Variants in SBF2 observed in about 807,000 individuals in gnomAD.
The protein encoded by SBF2 is SET binding factor 2, also known as myotubularin-related protein 13.
SBF2 carries 112 observed loss-of-function variants against 225.2 expected under a neutral mutation model. The observed-to-expected ratio is 0.50, with a 90% confidence interval of 0.43 to 0.58. The LOEUF (loss-of-function observed/expected upper bound fraction) is 0.58. SBF2 is among the 20% of genes least tolerant of loss of function. The probability of loss-of-function intolerance (pLI) is 0.00; values close to 1 mark genes in which losing one functional copy is unlikely to be tolerated. For synonymous variants in SBF2, 763 were observed against 773.3 expected (o/e 0.99, Z 0.22); for missense variants, 1,996 against 2,206.2 (o/e 0.90, Z 1.91).
At chr11:9,793,379 G>T (rs115519131) in intron 33 of SBF2, among the ~76,000 whole-genome samples, 1 of 151,754 alleles carries the variant, frequency 6.6e-6, no homozygotes, top group Admixed American at 6.6e-5. Context: ...GCTCACCTGG[G>T]GAGTTTTTAT....
chr11:9,957,923 A>C (rs1169077895), intron 16 of SBF2: 1 of 151,772 alleles, frequency 6.6e-6, no homozygotes, highest in African/African-American at 2.4e-5. Context: ...CTAGTCCCAC[A>C]CAAGCAGGAG....
At chr11:10,266,746 T>A (rs539601297) in intron 1 of SBF2, among the ~76,000 whole-genome samples, 1 of 152,300 alleles carries the variant, frequency 6.6e-6, no homozygotes, top group South Asian at 2.1e-4. Context: ...TGGACCACAT[T>A]TCCCAGGATA....
rs1205539194 is a variant in SBF2 at position 10,273,078 on chromosome 11, A to AAAAT, written c.55+20933_55+20936dup. Among the ~76,000 whole-genome samples, 218 of 85,508 alleles carry AAAAT rather than the reference A, an allele frequency of 2.5e-3. 1 individual carries two copies. Among genetic ancestry groups the AAAAT allele is most frequent in the African/African-American group, 7.0e-3 (203 of 29,000 alleles). The allele number at this position is 85,508 out of a possible 152,430, so 56.1% of individuals were successfully genotyped here. On this transcript the variant is annotated intron_variant, in intron 1 of 39. Transcript: ENST00000256190. ...GAGTGAGACTCCGTCTCCGAAAAAA[A>AAAAT]AAATAAATAAATAAATAAATAAATG...
At chr11:9,894,282 G>A (rs1861065675) in intron 17 of SBF2, among the ~76,000 whole-genome samples, 1 of 152,208 alleles carries the variant, frequency 6.6e-6, no homozygotes, top group African/African-American at 2.4e-5. Flanking sequence ...ACTTTGGGAG[G>A]CCAAGGCAGG....
intron 2 of SBF2, among the ~76,000 whole-genome samples, chr11:10,157,034 T>C: frequency 6.6e-6 from 1 of 152,142 alleles, no homozygotes; most frequent in African/African-American, 2.4e-5. Flanking sequence ...GGGGCTACAG[T>C]AACCAAAACA....
intron 2 of SBF2, among the ~76,000 whole-genome samples, chr11:10,057,761 T>C (rs1330168164): frequency 6.6e-6 from 1 of 152,084 alleles, no homozygotes; most frequent in African/African-American, 2.4e-5. Flanking sequence ...GCCCATACTT[T>C]CAAAGCACTG....
intron 2 of SBF2, among the ~76,000 whole-genome samples, chr11:10,179,076 C>T (rs1377413179): frequency 6.7e-6 from 1 of 149,130 alleles, no homozygotes; most frequent in Non-Finnish European, 1.5e-5. Context: ...TCATCATTCT[C>T]AGTAAACTAT....
chr11:10,066,753 G>A (rs1950638731), intron 2 of SBF2, among the ~76,000 whole-genome samples: 1 of 152,086 alleles, frequency 6.6e-6, no homozygotes, highest in South Asian at 2.1e-4. Context: ...TCAACTTTGT[G>A]CTCCAGGTTC....
chr11:9,924,566 G>A (rs1289074748), intron 16 of SBF2, among the ~76,000 whole-genome samples: 3 of 151,908 alleles, frequency 2.0e-5, no homozygotes, highest in Admixed American at 6.6e-5. Context: ...CGAGTAGCTG[G>A]GATTACAGGC....
intron 16 of SBF2, among the ~76,000 whole-genome samples, chr11:9,912,434 A>C (rs1447619987): frequency 6.6e-6 from 1 of 150,882 alleles, no homozygotes; most frequent in African/African-American, 2.4e-5. Context: ...AAAATACAAA[A>C]ATTAGCTGGG....
chr11:10,078,256 T>G (rs905256000), intron 2 of SBF2, among the ~76,000 whole-genome samples: 4 of 152,246 alleles, frequency 2.6e-5, no homozygotes, highest in Admixed American at 6.5e-5. Context: ...TAATACCATT[T>G]GATCCAGTGA....
intron 13 of SBF2, among the ~76,000 whole-genome samples, chr11:9,983,202 TTGCCCTC>T (rs1947034092): frequency 6.6e-6 from 1 of 152,188 alleles, no homozygotes; most frequent in Non-Finnish European, 1.5e-5. Context: ...GCAGCCCGTC[TTGCCCTC>T]TGCCTGGAAA....
At chr11:10,182,479 A>T (rs1187918116) in intron 2 of SBF2, among the ~76,000 whole-genome samples, 1 of 152,214 alleles carries the variant, frequency 6.6e-6, no homozygotes, top group African/African-American at 2.4e-5. Flanking sequence ...TGATTTTAAT[A>T]TCTCAAGTTG....
At chr11:9,782,708 TA>T (rs1171349190) in intron 38 of SBF2, among the ~76,000 whole-genome samples, 1 of 151,748 alleles carries the variant, frequency 6.6e-6, no homozygotes, top group Non-Finnish European at 1.5e-5. Context: ...CCGTCTCTAC[TA>T]AAAATACAAA....
chr11:10,143,970 C>T (rs1005321534), intron 2 of SBF2, among the ~76,000 whole-genome samples: 16 of 152,236 alleles, frequency 1.1e-4, no homozygotes, highest in African/African-American at 2.6e-4. Flanking sequence ...CCGCCCGTCT[C>T]GGCCTCCCAA....
intron 16 of SBF2, chr11:9,957,891 G>C (rs1408712955): frequency 2.6e-5 from 4 of 151,898 alleles, no homozygotes; most frequent in Admixed American, 1.3e-4. Context: ...GTTCAGAGGA[G>C]AGCATTTCAC....
At chr11:10,179,872 T>C (rs939411687) in intron 2 of SBF2, among the ~76,000 whole-genome samples, 1 of 152,174 alleles carries the variant, frequency 6.6e-6, no homozygotes, top group Non-Finnish European at 1.5e-5. Flanking sequence ...TGTGTGTATT[T>C]GTTGTATGTT....
intron 2 of SBF2, among the ~76,000 whole-genome samples, chr11:10,060,152 G>A (rs1199248612): frequency 1.3e-5 from 2 of 152,142 alleles, no homozygotes; most frequent in African/African-American, 4.8e-5. Context: ...ACGAAGAAAA[G>A]AGAGAAAACC....
intron 1 of SBF2, among the ~76,000 whole-genome samples, chr11:10,235,360 C>A (rs1403181869): frequency 2.0e-5 from 3 of 152,228 alleles, no homozygotes; most frequent in Admixed American, 1.3e-4. Flanking sequence ...CGTGGAGAAA[C>A]CCCGTCTCTA....
Sources: gnomAD v4.1 joint callset for allele counts (sites outside exome capture counted in the v4.1 genomes callset) on GRCh38, gnomAD v4.1.1 for gene constraint, MANE v1.5 for transcripts, NCBI Gene and HGNC (gene_info 2026-07-23, HGNC 2026-07-21) for gene names.